The following PIK3R6 variants were observed in gnomAD, a reference collection of about 807,000 sequenced individuals.
PIK3R6 encodes phosphoinositide 3-kinase regulatory subunit 6.
In PIK3R6, 91 loss-of-function variants were observed where a neutral mutation model predicts 84.9. The observed-to-expected ratio is 1.07, with a 90% CI of 0.90 to 1.28. The LOEUF (loss-of-function observed/expected upper bound fraction) is 1.28. PIK3R6 is among the 50% of genes most tolerant of loss of function. PIK3R6 has a pLI of 0.00. For missense variants in PIK3R6, 996 were observed against 985.1 expected (o/e 1.01, Z -0.15); for synonymous variants, 416 against 411.4 (o/e 1.01, Z -0.13).
Position 8,803,236 on chromosome 17 carries a change from G to A in PIK3R6, c.*37C>T. On this transcript the variant is annotated 3_prime_UTR_variant, in exon 20 of 20. Transcript: ENST00000619866. This position sits in a 1 kb window ranked among gnomAD's most constrained non-coding sequence, Gnocchi z 5.0. ...GTGAGTGTTTGGAGTTGGTGGGGTAGTGTATCCTTCCTCCTGGGCCTGCTG... is the reference window on the plus strand; with the variant it reads ...GTGAGTGTTTGGAGTTGGTGGGGTAATGTATCCTTCCTCCTGGGCCTGCTG... The A allele has an allele frequency of 6.2e-7, 1 of 1,610,332 alleles. No individual in the cohort carries two copies. Among genetic ancestry groups the A allele is most frequent in the Non-Finnish European group, 8.5e-7 (1 of 1,178,662 alleles).
intron 8 of PIK3R6, among the ~76,000 whole-genome samples, chr17:8,834,093 C>T (rs1381107772): frequency 6.9e-6 from 1 of 144,948 alleles, no homozygotes; most frequent in African/African-American, 2.6e-5. Flanking sequence ...GGAGGCGGAG[C>T]TTGCAGTGAG....
chr17:8,836,735 C>A, intron 6 of PIK3R6, 56 bp downstream of exon 6: 14 of 1,610,272 alleles, frequency 8.7e-6, no homozygotes, highest in Non-Finnish European at 1.1e-5. Context: ...AAAGGAAAGA[C>A]CCTGGGCAAT....
intron 18 of PIK3R6, among the ~76,000 whole-genome samples, chr17:8,811,876 G>T (rs1029348482): frequency 6.7e-6 from 1 of 148,152 alleles, no homozygotes; most frequent in African/African-American, 2.5e-5. Context: ...CAGTTCCAAA[G>T]TTGCTTCCAC....
intron 11 of PIK3R6, 137 bp downstream of exon 11, chr17:8,828,430 C>T (rs550947334): frequency 3.5e-6 from 4 of 1,158,800 alleles, no homozygotes; most frequent in African/African-American, 3.1e-5. Flanking sequence ...GGGCACTGTG[C>T]GGCATCCTCC....
chr17:8,864,814 G>A (rs1285115314), intron 1 of PIK3R6, among the ~76,000 whole-genome samples: 1 of 152,246 alleles, frequency 6.6e-6, no homozygotes, highest in Non-Finnish European at 1.5e-5. Context: ...TGGGATTACA[G>A]GCGTGAGCCA....
rs532600535 is a variant in PIK3R6 at position 8,840,984 on chromosome 17, C to A, written c.14-1287G>T. On this transcript the variant is annotated intron_variant, in intron 2 of 19. Transcript: ENST00000619866. ...AGCTAGGATGGTCTCAATCTCCTGA[C>A]CTCGTGATCTGCCCGCCTCGGCCTT... 9.2e-5 allele frequency among the ~76,000 whole-genome samples: 14 copies of A among 152,170 alleles called. No homozygotes were observed. In the South Asian group the frequency reaches 2.9e-3, roughly 32 times the overall value.
chr17:8,838,552 C>T lies in PIK3R6; in HGVS notation c.189+12G>A. 1 of 1,587,452 alleles carries T rather than the reference C, an allele frequency of 6.3e-7. No homozygotes were observed. The highest frequency in any genetic ancestry group is 1.2e-5 in the South Asian group (1 of 86,786). On this transcript the variant is annotated intron_variant, in intron 4 of 19. Coordinates refer to ENST00000619866, the MANE Select transcript of PIK3R6 (RefSeq NM_001010855.4). ...TCATCCCCGTCTTCCTCCCTGAGGT[C>T]CAGGAACTCACCTTCTCCAGTTCTC...
chr17:8,821,761 C>G (rs562804147), intron 17 of PIK3R6, 85 bp downstream of exon 17: 1 of 1,389,888 alleles, frequency 7.2e-7, no homozygotes, highest in East Asian at 2.5e-5. Flanking sequence ...GAGGGCTCCC[C>G]CTTCTCCTGC....
rs777547230 is a variant in PIK3R6 at position 8,828,720 on chromosome 17, C to G, written c.1160G>C (p.Trp387Ser). Reference sequence around the variant, plus strand: ...CCGGTGCAGCCCTGGGGGCCCGTCCCAGCTGCCAGGCATCAAGAAGTCCAG... The same window carrying G: ...CCGGTGCAGCCCTGGGGGCCCGTCCGAGCTGCCAGGCATCAAGAAGTCCAG... ...WPLDFLMPGSWDGPPGLHRRT... is the reference protein window; with the variant it reads ...WPLDFLMPGSSDGPPGLHRRT... The change falls in exon 11 of 20, where the codon TGG (tryptophan) becomes TCG (serine). Residue 387 changes from tryptophan to serine, a missense_variant. Trp to Ser is a radical substitution (Grantham distance 177). Transcript: ENST00000619866. 1 of 1,609,634 alleles carries G rather than the reference C, an allele frequency of 6.2e-7. No homozygotes were observed. The highest frequency in any genetic ancestry group is 8.5e-7 in the Non-Finnish European group (1 of 1,178,002).
chr17:8,827,742 GGAGAGAGAGAGAGAGAGAGAGGAGA>G lies in PIK3R6; in HGVS notation c.1392+345_1392+369del, dbSNP rs779005960. On this transcript the variant is annotated intron_variant, in intron 12 of 19. Coordinates refer to ENST00000619866, the MANE Select transcript of PIK3R6 (RefSeq NM_001010855.4). ...TGTGTATGAGAGAGGGGAGGGAAGGGGAGAGAGAGAGAGAGAGAGAGGAGAGAGAGAGAGAGAGAGAGAGAGAGAG... is the reference window on the plus strand; with the variant it reads ...TGTGTATGAGAGAGGGGAGGGAAGGGGAGAGAGAGAGAGAGAGAGAGAGAG... Among the ~76,000 whole-genome samples the G allele has an allele frequency of 4.3e-3, 388 of 90,906 alleles. 6 individuals carry two copies. The highest frequency in any genetic ancestry group is 0.013 in the South Asian group (36 of 2,714). 59.6% of individuals were successfully genotyped at this position (90,906 alleles called of 152,430 possible).
chr17:8,838,573 TTC>T lies in PIK3R6; in HGVS notation c.178_179del (p.Glu60ThrfsTer87). On this transcript the variant is annotated frameshift_variant, in exon 4 of 20. Coordinates refer to ENST00000619866, the MANE Select transcript of PIK3R6 (RefSeq NM_001010855.4). LOFTEE classifies it high-confidence loss of function. ...SPVLVRILLR[E>X]LEKAESQDLR... ...AGGTCCAGGAACTCACCTTCTCCAG[TTC>T]TCTGAGAAGAATGCGGACCAGCACT... 1.2e-6 allele frequency: 2 copies of T among 1,600,178 alleles called. No individual in the cohort carries two copies. Among genetic ancestry groups the T allele is most frequent in the Non-Finnish European group, 1.7e-6 (2 of 1,173,278 alleles).
At chr17:8,865,967 G>A (rs975454662) in intron 1 of PIK3R6, among the ~76,000 whole-genome samples, 16 of 152,276 alleles carry the variant, frequency 1.1e-4, no homozygotes, top group African/African-American at 3.4e-4. Flanking sequence ...ACCAGATGGC[G>A]ATGACTGCAG....
chr17:8,837,286 T>G (rs748391597), intron 5 of PIK3R6, among the ~76,000 whole-genome samples: 2 of 152,032 alleles, frequency 1.3e-5, no homozygotes, highest in Non-Finnish European at 2.9e-5. Context: ...TCTCCTTTGC[T>G]CCTCCTTGCA....
intron 1 of PIK3R6, among the ~76,000 whole-genome samples, chr17:8,854,900 A>G (rs2089084091): frequency 1.3e-5 from 2 of 152,186 alleles, no homozygotes; most frequent in Non-Finnish European, 2.9e-5. Context: ...CCTTTAACAA[A>G]ATGAAAAAAC....
intron 1 of PIK3R6, among the ~76,000 whole-genome samples, chr17:8,852,112 C>T (rs149719): frequency 0.26 from 39,506 of 152,014 alleles, 5,612 homozygotes; most frequent in Non-Finnish European, 0.32. Context: ...ACAGAGGTTA[C>T]CAGGGACTGG....
intron 2 of PIK3R6, among the ~76,000 whole-genome samples, chr17:8,840,769 G>GTA (rs1043969002): frequency 4.8e-4 from 73 of 150,956 alleles, no homozygotes; most frequent in African/African-American, 1.7e-3. Flanking sequence ...GTGTGTGTGT[G>GTA]TGAGACGGAG....
chr17:8,854,742 C>T (rs1253321923), intron 1 of PIK3R6, among the ~76,000 whole-genome samples: 2 of 152,114 alleles, frequency 1.3e-5, no homozygotes, highest in African/African-American at 4.8e-5. Context: ...AAACAATAAA[C>T]TTTTAGAAGA....
chr17:8,823,533 C>T (rs1250076106), intron 13 of PIK3R6, 36 bp from the exon 14 acceptor site: 1 of 1,426,664 alleles, frequency 7.0e-7, no homozygotes, highest in Admixed American at 1.8e-5. Context: ...CACCAACTCC[C>T]CCAAGGCCAC....
At chr17:8,855,225 A>AAACAAAACAAAACAAAAC (rs1364990797) in intron 1 of PIK3R6, among the ~76,000 whole-genome samples, 3 of 135,132 alleles carry the variant, frequency 2.2e-5, no homozygotes, top group African/African-American at 1.2e-4. Context: ...AAACAAAACA[A>AAACAAAACAAAACAAAAC]AACAACAATA....
Sources: allele counts gnomAD v4.1 joint callset (sites outside exome capture counted in the v4.1 genomes callset), GRCh38; gene constraint gnomAD v4.1.1; non-coding constraint Gnocchi (gnomAD v3.1); transcripts MANE v1.5; gene names NCBI Gene and HGNC (gene_info 2026-07-23, HGNC 2026-07-21).